Variants in SLA observed in about 807,000 individuals in gnomAD.
The protein encoded by SLA is Src like adaptor, also known as src-like-adapter.
A neutral mutation model predicts 30.3 loss-of-function variants in SLA; 16 were observed. The observed-to-expected ratio is 0.53, with a 90% CI of 0.36 to 0.80. The LOEUF is 0.80. SLA is among the 30% of genes least tolerant of loss of function. The pLI is 0.01. For missense variants in SLA, 310 were observed against 345.2 expected (o/e 0.90, Z 0.81); for synonymous variants, 143 against 137.8 (o/e 1.04, Z -0.26).
intron 3 of SLA, among the ~76,000 whole-genome samples, chr8:133,057,785 A>AAC (rs1324733946): frequency 2.0e-5 from 3 of 152,012 alleles, no homozygotes; most frequent in Non-Finnish European, 4.4e-5. Flanking sequence ...AAAAAAAAAA[A>AAC]AACAAAAAAA....
chr8:133,051,567 G>T (rs906758578), intron 3 of SLA, among the ~76,000 whole-genome samples: 1 of 152,142 alleles, frequency 6.6e-6, no homozygotes, highest in Non-Finnish European at 1.5e-5. Context: ...GAGGGTGGGG[G>T]TGGTGGAAGA....
chr8:133,046,030 GT>G (rs1389412261), intron 6 of SLA, among the ~76,000 whole-genome samples: 1 of 152,198 alleles, frequency 6.6e-6, no homozygotes, highest in Non-Finnish European at 1.5e-5. Flanking sequence ...TGAAAGGCGG[GT>G]TATTGCTCCT....
At chr8:133,050,494 G>A (rs1198114351) in intron 4 of SLA, 4 of 267,102 alleles carry the variant, frequency 1.5e-5, no homozygotes, top group South Asian at 1.4e-4. Flanking sequence ...CTGCCTTCCC[G>A]GTCTTCATTC....
chr8:133,049,074 G>A (rs1839960629), intron 5 of SLA: 1 of 440,530 alleles, frequency 2.3e-6, no homozygotes, highest in Non-Finnish European at 4.6e-6. Flanking sequence ...TCCAGGAGGT[G>A]AAGCGACTTT....
At chr8:133,064,445 G>A (rs1361031692) in intron 2 of SLA, among the ~76,000 whole-genome samples, 1 of 152,182 alleles carries the variant, frequency 6.6e-6, no homozygotes, top group Non-Finnish European at 1.5e-5. Context: ...ATTCCCAAGG[G>A]CAGATACTCT....
intron 1 of SLA, chr8:133,076,211 G>C (rs910414045): frequency 1.3e-5 from 2 of 152,196 alleles, no homozygotes; most frequent in Non-Finnish European, 2.9e-5. Context: ...GAGCATCAGA[G>C]ACTTGAGTGA....
intron 1 of SLA, among the ~76,000 whole-genome samples, chr8:133,095,398 A>G (rs774014292): frequency 6.6e-6 from 1 of 151,938 alleles, no homozygotes; most frequent in Non-Finnish European, 1.5e-5. Flanking sequence ...CAGTCCAAAC[A>G]TGGGCACTGA....
chr8:133,055,653 T>C (rs536077408), intron 3 of SLA, among the ~76,000 whole-genome samples: 1 of 152,312 alleles, frequency 6.6e-6, no homozygotes, highest in African/African-American at 2.4e-5. Flanking sequence ...GTCTCAACTC[T>C]CTTAGATGCT....
intron 2 of SLA, chr8:133,064,120 C>T (rs1842761579): frequency 6.6e-6 from 1 of 152,144 alleles, no homozygotes; most frequent in South Asian, 2.1e-4. Context: ...CCTTATTTTC[C>T]CTCCGGTCTT....
At chr8:133,066,894 C>T (rs1228692234) in intron 2 of SLA, among the ~76,000 whole-genome samples, 1 of 152,162 alleles carries the variant, frequency 6.6e-6, no homozygotes, top group African/African-American at 2.4e-5. Flanking sequence ...GGCTAACTCA[C>T]TGTGCAAGCT....
intron 2 of SLA, among the ~76,000 whole-genome samples, chr8:133,070,982 T>C (rs1843918910): frequency 6.6e-6 from 1 of 152,264 alleles, no homozygotes; most frequent in African/African-American, 2.4e-5. Flanking sequence ...TTTCTGTCTT[T>C]AGAACCCACA....
chr8:133,100,029 T>C (rs2958669), intron 1 of SLA, among the ~76,000 whole-genome samples: 1 of 151,966 alleles, frequency 6.6e-6, no homozygotes, highest in East Asian at 1.9e-4. Flanking sequence ...CAGAGGAAAA[T>C]TCCAGTCTTC....
chr8:133,094,142 G>A (rs1317553489), intron 1 of SLA, among the ~76,000 whole-genome samples: 1 of 152,100 alleles, frequency 6.6e-6, no homozygotes, highest in African/African-American at 2.4e-5. Flanking sequence ...GTTCCTCCCA[G>A]GCGGATGACC....
chr8:133,093,657 G>A (rs534615243), intron 1 of SLA, among the ~76,000 whole-genome samples: 49 of 152,296 alleles, frequency 3.2e-4, no homozygotes, highest in Non-Finnish European at 6.0e-4. Context: ...CTGAGATTCT[G>A]ACTGGCCTTG....
intron 2 of SLA, among the ~76,000 whole-genome samples, chr8:133,069,295 A>G (rs1843586787): frequency 6.6e-6 from 1 of 152,198 alleles, no homozygotes; most frequent in Admixed American, 6.5e-5. Context: ...TAAACTTATC[A>G]AGCAAGATGG....
chr8:133,039,722 G>A (rs55987315), intron 8 of SLA, among the ~76,000 whole-genome samples: 21,872 of 152,198 alleles, frequency 0.14, 1,680 homozygotes, highest in Admixed American at 0.17. Flanking sequence ...CAGCTAGAAT[G>A]TATATTGCTA....
rs1588105137 is a variant in SLA at position 133,102,341 on chromosome 8, TCACGGAGGGA to T, written c.-319+202_-319+211del. 9 of 499,942 alleles carry T rather than the reference TCACGGAGGGA, an allele frequency of 1.8e-5. No individual in the cohort carries two copies. In the East Asian group the frequency reaches 2.7e-4, roughly 15 times the overall value. The allele number at this position is 499,942 out of a possible 1,614,324, so 31.0% of individuals were successfully genotyped here. On this transcript the variant is annotated intron_variant, in intron 1 of 8. Coordinates refer to ENST00000338087, the MANE Select transcript of SLA (RefSeq NM_001045556.3). ...CATGCAGTGCAGCTTCCCAGGGAAGTCACGGAGGGACAGGAGTGGAGCCTCTTACCCCAAG... is the reference window on the plus strand; with the variant it reads ...CATGCAGTGCAGCTTCCCAGGGAAGTCAGGAGTGGAGCCTCTTACCCCAAG...
At chr8:133,095,116 AAGG>A in intron 1 of SLA, 2 of 1,614,222 alleles carry the variant, frequency 1.2e-6, no homozygotes, top group Non-Finnish European at 1.7e-6. Flanking sequence ...TGCTTTGGCA[AAGG>A]AGGTCAGTTG....
intron 3 of SLA, among the ~76,000 whole-genome samples, chr8:133,052,994 T>C (rs1316128795): frequency 6.6e-6 from 1 of 152,228 alleles, no homozygotes; most frequent in Admixed American, 6.5e-5. Flanking sequence ...ATGGGCCGTT[T>C]ATTAACATGG....
Sources: allele counts gnomAD v4.1 joint callset (sites outside exome capture counted in the v4.1 genomes callset), GRCh38; gene constraint gnomAD v4.1.1; transcripts MANE v1.5; gene names NCBI Gene and HGNC (gene_info 2026-07-23, HGNC 2026-07-21).